Variants in KCNMB2 observed in about 807,000 individuals in gnomAD.
KCNMB2 encodes the protein potassium calcium-activated channel subfamily M regulatory beta subunit 2.
In KCNMB2, 9 loss-of-function variants were observed where a neutral mutation model predicts 24.5. That is an observed-to-expected ratio of 0.37 (90% CI 0.22 to 0.64). KCNMB2 has a LOEUF of 0.64. KCNMB2 is among the 30% of genes least tolerant of loss of function. The pLI, the probability that KCNMB2 is intolerant of heterozygous loss-of-function variation, is 0.63. For missense variants in KCNMB2, 226 were observed against 284.3 expected, an observed-to-expected ratio of 0.79 and a Z score of 1.47; for synonymous variants, 109 against 104.4, an observed-to-expected ratio of 1.04 and a Z score of -0.27.
At chr3:178,720,974 T>C (rs555687025) in intron 1 of KCNMB2, among the ~76,000 whole-genome samples, 2,126 of 152,132 alleles carry the variant, frequency 0.014, 50 homozygotes, top group African/African-American at 0.048. Flanking sequence ...AGCTCTTTAG[T>C]TTAATTAGAT....
At chr3:178,755,864 G>T (rs1454491525) in intron 1 of KCNMB2, among the ~76,000 whole-genome samples, 2 of 152,072 alleles carry the variant, frequency 1.3e-5, no homozygotes, top group African/African-American at 4.8e-5. Flanking sequence ...TATATTTCAA[G>T]TCACCCAAGG....
intron 1 of KCNMB2, among the ~76,000 whole-genome samples, chr3:178,728,469 G>A (rs1001392439): frequency 1.8e-4 from 27 of 152,254 alleles, no homozygotes; most frequent in Non-Finnish European, 2.2e-4. Context: ...AATGCTGCCC[G>A]TGACACAAAC....
At chr3:178,601,697 GATATTCTT>G (rs1718089498) in intron 1 of KCNMB2, among the ~76,000 whole-genome samples, 1 of 152,120 alleles carries the variant, frequency 6.6e-6, no homozygotes, top group Non-Finnish European at 1.5e-5. Context: ...TGGCTTCTCG[GATATTCTT>G]AAAGTTACAC....
intron 1 of KCNMB2, among the ~76,000 whole-genome samples, chr3:178,651,515 A>G (rs2108559836): frequency 6.6e-6 from 1 of 152,350 alleles, no homozygotes; most frequent in Admixed American, 6.5e-5. Flanking sequence ...TATAGATTCA[A>G]TGCTATCCCC....
intron 1 of KCNMB2, among the ~76,000 whole-genome samples, chr3:178,576,146 C>T (rs752803277): frequency 2.0e-5 from 3 of 151,684 alleles, no homozygotes; most frequent in African/African-American, 7.3e-5. Flanking sequence ...CTGAGGTACC[C>T]GGCTCATCTC....
intron 1 of KCNMB2, among the ~76,000 whole-genome samples, chr3:178,679,273 C>T (rs556408575): frequency 9.7e-4 from 148 of 152,170 alleles, no homozygotes; most frequent in Non-Finnish European, 1.6e-3. Flanking sequence ...GTCTGTCACC[C>T]AGGCTGGAGT....
intron 1 of KCNMB2, among the ~76,000 whole-genome samples, chr3:178,791,069 C>T (rs923898988): frequency 1.3e-5 from 2 of 152,170 alleles, no homozygotes; most frequent in African/African-American, 4.8e-5. Flanking sequence ...CCAGACATTG[C>T]TGAACATCCA....
chr3:178,584,922 C>G (rs1717370765), intron 1 of KCNMB2, among the ~76,000 whole-genome samples: 1 of 152,150 alleles, frequency 6.6e-6, no homozygotes, highest in African/African-American at 2.4e-5. Flanking sequence ...CAAACAGAAA[C>G]CATCTGAGGC....
chr3:178,562,180 A>T (rs758278121), intron 1 of KCNMB2, among the ~76,000 whole-genome samples: 2 of 152,234 alleles, frequency 1.3e-5, no homozygotes, highest in Non-Finnish European at 2.9e-5. Flanking sequence ...CCTTCCTGTC[A>T]GATATGTTGC....
chr3:178,657,868 G>C (rs1720398670), intron 1 of KCNMB2, among the ~76,000 whole-genome samples: 1 of 152,140 alleles, frequency 6.6e-6, no homozygotes, highest in South Asian at 2.1e-4. Context: ...CCACTTTCAT[G>C]GTAACTAATC....
rs181547371 is a variant in KCNMB2, at chr3:178,802,595, C to T, written c.-67-4748C>T. 1.2e-4 allele frequency among the ~76,000 whole-genome samples: 19 copies of T among 152,180 alleles called. No homozygotes were observed. The East Asian group carries it at 2.7e-3, about 22-fold the overall frequency. On this transcript the variant is annotated intron_variant, in intron 1 of 4. Coordinates refer to ENST00000452583, the MANE Select transcript of KCNMB2 (RefSeq NM_181361.3). ...CCTGAGAGGTTATAGTCATGTTTCT[C>T]GGCTGCCCATCATAATTACCTGGAC...
chr3:178,549,619 G>A (rs1211206154), intron 1 of KCNMB2, among the ~76,000 whole-genome samples: 2 of 151,880 alleles, frequency 1.3e-5, no homozygotes, highest in Non-Finnish European at 2.9e-5. Flanking sequence ...GAACCACCAT[G>A]TCAGGCTGCC....
chr3:178,568,805 AGATAGATAGAT>A (rs371251130), intron 1 of KCNMB2, among the ~76,000 whole-genome samples: 9,403 of 66,406 alleles, frequency 0.14, 509 homozygotes, highest in African/African-American at 0.27. Context: ...ATAGATAGAT[AGATAGATAGAT>A]AATAGATAGA....
intron 1 of KCNMB2, among the ~76,000 whole-genome samples, chr3:178,794,381 T>C (rs550091825): frequency 1.3e-5 from 2 of 149,350 alleles, no homozygotes; most frequent in Admixed American, 6.8e-5. Flanking sequence ...CCTCTCACAG[T>C]ATTCACAACA....
chr3:178,841,341 C>T (rs1259617197), intron 4 of KCNMB2, among the ~76,000 whole-genome samples: 1 of 152,166 alleles, frequency 6.6e-6, no homozygotes, highest in East Asian at 1.9e-4. Flanking sequence ...CCTTCATCTT[C>T]CTGTCCTCTT....
chr3:178,543,465 C>G (rs1715684992), intron 1 of KCNMB2, among the ~76,000 whole-genome samples: 1 of 152,158 alleles, frequency 6.6e-6, no homozygotes, highest in Non-Finnish European at 1.5e-5. Flanking sequence ...CAGTGCACAA[C>G]GTGCATGAAA....
chr3:178,617,285 G>T (rs192195588), intron 1 of KCNMB2, among the ~76,000 whole-genome samples: 1 of 152,090 alleles, frequency 6.6e-6, no homozygotes, highest in African/African-American at 2.4e-5. Flanking sequence ...CAGTCCAGGC[G>T]TGGTGGCTCA....
At chr3:178,591,677 C>T (rs1717680009) in intron 1 of KCNMB2, among the ~76,000 whole-genome samples, 1 of 152,130 alleles carries the variant, frequency 6.6e-6, no homozygotes, top group African/African-American at 2.4e-5. Context: ...GAGTGAGAGG[C>T]AGCTTGGCCT....
At chr3:178,593,966 A>T (rs879810313) in intron 1 of KCNMB2, among the ~76,000 whole-genome samples, 3 of 150,532 alleles carry the variant, frequency 2.0e-5, no homozygotes, top group Non-Finnish European at 4.4e-5. Flanking sequence ...AGGGACTGAA[A>T]TTCCAAGCAG....
Sources: allele counts gnomAD v4.1 joint callset (sites outside exome capture counted in the v4.1 genomes callset), GRCh38; gene constraint gnomAD v4.1.1; transcripts MANE v1.5; gene names NCBI Gene and HGNC (gene_info 2026-07-23, HGNC 2026-07-21).